ATP23: variants seen among roughly 807,000 people sequenced by gnomAD.
ATP23 encodes ATP23 metallopeptidase and ATP synthase assembly factor homolog.
ATP23 carries 24 observed loss-of-function variants against 28.5 expected under a neutral mutation model. That is an observed-to-expected ratio of 0.84 (90% confidence interval 0.61 to 1.18). The LOEUF is 1.18. ATP23 is among the 50% of genes most tolerant of loss of function. The pLI is 0.00. For synonymous variants in ATP23, 99 were observed against 108.6 expected (o/e 0.91, Z 0.55); for missense variants, 274 against 306.4 (o/e 0.89, Z 0.79).
At chr12:57,943,425 A>G (rs1028423113) in intron 1 of ATP23, among the ~76,000 whole-genome samples, 2 of 152,126 alleles carry the variant, frequency 1.3e-5, no homozygotes, top group Admixed American at 6.5e-5. Flanking sequence ...CATGCCTGTA[A>G]TCTCAGCACT....
chr12:57,944,136 A>G (rs2140527045), intron 1 of ATP23, among the ~76,000 whole-genome samples: 1 of 151,556 alleles, frequency 6.6e-6, no homozygotes, highest in Middle Eastern at 3.4e-3. Flanking sequence ...TAGTTGCATG[A>G]ATAATAATGT....
In ATP23 at chr12:57,957,041, T is replaced by A; in HGVS notation, c.*151T>A. On this transcript the variant is annotated 3_prime_UTR_variant, in exon 6 of 6. Transcript: ENST00000300145. ...GATTCTAGCATATTATCAGAAAAAG[T>A]AACTATGGCAAAAAATGAAACTGCT... The A allele has an allele frequency of 1.7e-6, 1 of 573,594 alleles. No individual in the cohort carries two copies. Among genetic ancestry groups the A allele is most frequent in the Non-Finnish European group, 2.7e-6 (1 of 374,222 alleles). The allele number at this position is 573,594 out of a possible 1,614,324, so 35.5% of individuals were successfully genotyped here. A position where few individuals can be genotyped will look rare whatever the true frequency, so the allele number is the denominator to read the frequency against.
chr12:57,951,885 C>T lies in ATP23; in HGVS notation c.443C>T (p.Ala148Val), dbSNP rs769513939. 9.9e-6 allele frequency: 16 copies of T among 1,614,016 alleles called. No homozygotes were observed. The highest frequency in any genetic ancestry group is 2.7e-5 in the African/African-American group (2 of 74,904). The change falls in exon 4 of 6, where the codon GCG (alanine) becomes GTG (valine). Residue 148 changes from alanine (A) to valine (V), a missense_variant. Physicochemically the swap from Ala to Val is moderately conservative, Grantham distance 64 (BLOSUM62 0). Coordinates refer to ENST00000300145, the MANE Select transcript of ATP23 (RefSeq NM_033276.4). ...VDWFTNIRHLACSEVRAANLS... is the reference protein window; with the variant it reads ...VDWFTNIRHLVCSEVRAANLS... The stretch of plus-strand genomic sequence containing the variant: ...TGGTTCACCAACATCAGACATTTGG[C>T]GTGCTCAGAGGTGAGTTTTATTGTA...
At chr12:57,945,506 A>T in intron 1 of ATP23, 122 bp from the exon 2 acceptor site, 1 of 785,876 alleles carries the variant, frequency 1.3e-6, no homozygotes, top group Non-Finnish European at 2.1e-6. Context: ...TGCTGGGATT[A>T]CAGGCATGAG....
intron 3 of ATP23, 47 bp downstream of exon 3, chr12:57,947,123 T>C: frequency 6.4e-7 from 1 of 1,569,900 alleles, no homozygotes; most frequent in Non-Finnish European, 8.7e-7. Context: ...TCCTCTCTCT[T>C]TATATTTTTT....
chr12:57,942,018 TG>T, intron 1 of ATP23, 130 bp downstream of exon 1: 1 of 1,146,166 alleles, frequency 8.7e-7, no homozygotes, highest in Admixed American at 3.5e-5. Flanking sequence ...CTGGGCATCA[TG>T]GGGGCTGGGT....
intron 3 of ATP23, among the ~76,000 whole-genome samples, chr12:57,949,312 A>C (rs907151792): frequency 3.3e-4 from 50 of 152,136 alleles, no homozygotes; most frequent in Non-Finnish European, 6.8e-4. Flanking sequence ...CTAGCATTTA[A>C]ATGTCAAAGT....
intron 1 of ATP23, 86 bp downstream of exon 1, chr12:57,941,974 AG>A: frequency 6.7e-7 from 1 of 1,501,930 alleles, no homozygotes; most frequent in Non-Finnish European, 9.0e-7. Context: ...ACACCTGGCC[AG>A]GGGCTTCAGG....
intron 5 of ATP23, among the ~76,000 whole-genome samples, chr12:57,955,600 T>TC (rs1956859006): frequency 6.6e-6 from 1 of 152,258 alleles, no homozygotes; most frequent in Non-Finnish European, 1.5e-5. Context: ...AAATCTGTGG[T>TC]CTACACTTGT....
chr12:57,952,843 A>T (rs1956828455), intron 4 of ATP23, among the ~76,000 whole-genome samples: 1 of 152,230 alleles, frequency 6.6e-6, no homozygotes, highest in African/African-American at 2.4e-5. Context: ...AAGGAACAAG[A>T]AGTGGGCCAT....
intron 1 of ATP23, among the ~76,000 whole-genome samples, chr12:57,942,106 G>T (rs1342693228): frequency 6.6e-6 from 1 of 152,196 alleles, no homozygotes; most frequent in Non-Finnish European, 1.5e-5. Flanking sequence ...CTTGTGGAAT[G>T]AATTTGTCTG....
rs954860799 is a variant in ATP23 at position 57,959,117 on chromosome 12, T to C, written c.*2227T>C. ...GCTCTGGAAAATCTCAGCAATAGAA[T>C]TGAACAAGTAGAAGAAAGAAATTCA... On this transcript the variant is annotated 3_prime_UTR_variant, in exon 6 of 6. Coordinates refer to ENST00000300145, the MANE Select transcript of ATP23 (RefSeq NM_033276.4). Among the ~76,000 whole-genome samples, 15 of 152,026 alleles carry C rather than the reference T, an allele frequency of 9.9e-5. No homozygotes were observed. The highest frequency in any genetic ancestry group is 3.4e-4 in the African/African-American group (14 of 41,402).
At position 57,956,906 on chromosome 12, in the gene ATP23, T is replaced by G; in HGVS notation, c.*16T>G. ...AAATATATGAGCACAATGACATTTTTATATTACAGAGCTTCCATCATCATG... is the reference window on the plus strand; with the variant it reads ...AAATATATGAGCACAATGACATTTTGATATTACAGAGCTTCCATCATCATG... On this transcript the variant is annotated 3_prime_UTR_variant, in exon 6 of 6. Coordinates refer to ENST00000300145, the MANE Select transcript of ATP23 (RefSeq NM_033276.4). The G allele has an allele frequency of 6.3e-7, 1 of 1,579,108 alleles. No individual in the cohort carries two copies. Among genetic ancestry groups the G allele is most frequent in the African/African-American group, 1.4e-5 (1 of 73,260 alleles).
At chr12:57,942,843 T>C (rs917484450) in intron 1 of ATP23, among the ~76,000 whole-genome samples, 1 of 152,206 alleles carries the variant, frequency 6.6e-6, no homozygotes, top group African/African-American at 2.4e-5. Context: ...CAACTGCCCA[T>C]TGACAAATTT....
At chr12:57,955,062 GA>G (rs899843496) in intron 5 of ATP23, among the ~76,000 whole-genome samples, 1 of 151,986 alleles carries the variant, frequency 6.6e-6, no homozygotes, top group Non-Finnish European at 1.5e-5. Context: ...GGAGAGGGTG[GA>G]AGCAGGGTAC....
At chr12:57,942,633 C>T (rs917541074) in intron 1 of ATP23, among the ~76,000 whole-genome samples, 1 of 152,122 alleles carries the variant, frequency 6.6e-6, no homozygotes, top group African/African-American at 2.4e-5. Context: ...CCGTGTTAGC[C>T]AGGATGGTCT....
rs372648221 is a variant in ATP23, at chr12:57,958,341, T to C, written c.*1451T>C. Reference sequence around the variant, plus strand: ...AAAGGGCATACAATCTTGGGAGTTCTAGGGCCCCACTCACCACAAGTTCTT... The same window carrying C: ...AAAGGGCATACAATCTTGGGAGTTCCAGGGCCCCACTCACCACAAGTTCTT... On this transcript the variant is annotated 3_prime_UTR_variant, in exon 6 of 6. Transcript: ENST00000300145. Among the ~76,000 whole-genome samples the C allele has an allele frequency of 2.1e-4, 32 of 152,250 alleles. 1 individual carries two copies. In the East Asian group the frequency reaches 2.3e-3, roughly 11 times the overall value.
At chr12:57,944,025 T>A (rs369032423) in intron 1 of ATP23, among the ~76,000 whole-genome samples, 1 of 150,246 alleles carries the variant, frequency 6.7e-6, no homozygotes, top group Admixed American at 6.6e-5. Flanking sequence ...ATTCTAAATA[T>A]TGCTGCAGGT....
In ATP23 at chr12:57,953,651, A is replaced by C; in HGVS notation, c.499A>C (p.Ile167Leu). 1.9e-6 allele frequency: 3 copies of C among 1,614,160 alleles called. No individual in the cohort carries two copies. Among genetic ancestry groups the C allele is most frequent in the Non-Finnish European group, 2.5e-6 (3 of 1,180,022 alleles). ...LSGDCSLVNE[I>L]FRLHFGLKQH... ...TGGAGACTGCTCACTTGTCAATGAA[A>C]TATTCAGGTTACATTTTGGATTAAA... The change falls in exon 5 of 6, where the codon ATA (isoleucine) becomes CTA (leucine). Residue 167 changes from isoleucine to leucine, a missense_variant. Physicochemically the swap from Ile to Leu is conservative, Grantham distance 5. Coordinates refer to ENST00000300145, the MANE Select transcript of ATP23 (RefSeq NM_033276.4).
Sources: gnomAD v4.1 joint callset for allele counts (sites outside exome capture counted in the v4.1 genomes callset) on GRCh38, gnomAD v4.1.1 for gene constraint, MANE v1.5 for transcripts, NCBI Gene and HGNC (gene_info 2026-07-23, HGNC 2026-07-21) for gene names.